ZFYVE28: variants seen among roughly 807,000 people sequenced by gnomAD.
ZFYVE28 encodes zinc finger FYVE-type containing 28.
ZFYVE28 carries 40 observed loss-of-function variants against 82.1 expected under a neutral mutation model. The ratio of observed to expected loss-of-function variants is 0.49; its 90% CI spans 0.38 to 0.63. ZFYVE28 has a LOEUF of 0.63. Ranked by LOEUF, ZFYVE28 falls within the 30% of genes least tolerant of loss-of-function variation. ZFYVE28 has a pLI of 0.00. For missense variants in ZFYVE28, 1,321 were observed against 1,242.1 expected (o/e 1.06, Z -0.96); for synonymous variants, 612 against 546.1 (o/e 1.12, Z -1.68).
chr4:2,288,497 C>A (rs530986541), intron 8 of ZFYVE28, among the ~76,000 whole-genome samples: 3 of 152,194 alleles, frequency 2.0e-5, no homozygotes, highest in Non-Finnish European at 4.4e-5. Context: ...TAAGAGGAGA[C>A]CCCCGAGGGG....
chr4:2,345,610 A>C (rs954703058), intron 2 of ZFYVE28, among the ~76,000 whole-genome samples: 2 of 151,922 alleles, frequency 1.3e-5, no homozygotes, highest in African/African-American at 2.4e-5. Flanking sequence ...ACGAGGAGGA[A>C]TGAGATAGAA....
intron 7 of ZFYVE28, among the ~76,000 whole-genome samples, chr4:2,317,230 C>T (rs1461764775): frequency 1.3e-5 from 2 of 152,124 alleles, no homozygotes; most frequent in East Asian, 1.9e-4. Context: ...TCAGGTGATC[C>T]GCCCACCTTG....
At chr4:2,406,062 A>AAGAAAAGAAAG (rs1553867783) in intron 1 of ZFYVE28, among the ~76,000 whole-genome samples, 8 of 125,076 alleles carry the variant, frequency 6.4e-5, no homozygotes, top group African/African-American at 2.6e-4. Context: ...AAAAAAAAAA[A>AAGAAAAGAAAG]AAAGAAAGAA....
chr4:2,291,206 G>C (rs1046981239), intron 8 of ZFYVE28, among the ~76,000 whole-genome samples: 1 of 152,212 alleles, frequency 6.6e-6, no homozygotes. Flanking sequence ...CCTGGTCTCC[G>C]GCTGCAGCAT....
intron 1 of ZFYVE28, among the ~76,000 whole-genome samples, chr4:2,383,435 G>A (rs562398002): frequency 4.5e-4 from 68 of 152,220 alleles, no homozygotes; most frequent in African/African-American, 1.6e-3. Flanking sequence ...GGTGCCCCCT[G>A]CCCCACAGCC....
At chr4:2,287,975 A>G (rs1175534122) in intron 8 of ZFYVE28, among the ~76,000 whole-genome samples, 1 of 152,176 alleles carries the variant, frequency 6.6e-6, no homozygotes, top group African/African-American at 2.4e-5. Context: ...CTTGGGATTC[A>G]GTTAGGAACA....
At chr4:2,412,062 G>T (rs890291958) in intron 1 of ZFYVE28, among the ~76,000 whole-genome samples, 1 of 152,214 alleles carries the variant, frequency 6.6e-6, no homozygotes, top group Non-Finnish European at 1.5e-5. Context: ...GCGCAGGCAG[G>T]GGCAGGGCGC....
intron 2 of ZFYVE28, among the ~76,000 whole-genome samples, chr4:2,343,877 C>T (rs1260146191): frequency 6.6e-6 from 1 of 152,322 alleles, no homozygotes; most frequent in African/African-American, 2.4e-5. Flanking sequence ...CTGTTATTCA[C>T]GATGAGTCTC....
intron 1 of ZFYVE28, among the ~76,000 whole-genome samples, chr4:2,407,302 T>C (rs1274496073): frequency 1.3e-5 from 2 of 152,180 alleles, no homozygotes; most frequent in Admixed American, 6.5e-5. Context: ...AGAACTCTAC[T>C]CTGACTTTGC....
chr4:2,392,901 T>C (rs1729986646), intron 1 of ZFYVE28, among the ~76,000 whole-genome samples: 1 of 152,196 alleles, frequency 6.6e-6, no homozygotes, highest in African/African-American at 2.4e-5. Flanking sequence ...GTAAGGAATT[T>C]ACAAAAATGC....
chr4:2,277,405 G>C (rs189226241), intron 8 of ZFYVE28, among the ~76,000 whole-genome samples: 2 of 152,156 alleles, frequency 1.3e-5, no homozygotes. Context: ...GCTTGAACCC[G>C]GGAGGCGGAG....
chr4:2,304,529 T>G lies in ZFYVE28; in HGVS notation c.1811A>C (p.Asp604Ala), dbSNP rs777825667. Reference protein sequence around the residue: ...SYAAGLAKASDRAPERQEEAP... With the variant: ...SYAAGLAKASARAPERQEEAP... ...CTCCTCCTGTCTCTCAGGGGCCCTG[T>G]CGCTGGCCTTGGCTAAGCCGGCAGC... Residue 604 changes from aspartate to alanine, a missense_variant, in exon 8 of 13, where the codon GAC (aspartate) becomes GCC (alanine). By Grantham distance (126) the Asp-to-Ala change is moderately radical (BLOSUM62 -2). Around this residue, in one of 2 missense-constraint regions of ZFYVE28, gnomAD observed 978 missense variants for 833.7 expected, o/e 1.17. Coordinates refer to ENST00000290974, the MANE Select transcript of ZFYVE28 (RefSeq NM_020972.3). 6.2e-7 allele frequency: 1 copy of G among 1,612,708 alleles called. No homozygotes were observed. The highest frequency in any genetic ancestry group is 1.7e-5 in the Admixed American group (1 of 60,002).
At chr4:2,324,683 A>C (rs762764430) in intron 6 of ZFYVE28, 3 of 173,584 alleles carry the variant, frequency 1.7e-5, no homozygotes, top group Non-Finnish European at 3.8e-5. Flanking sequence ...TAGCAGGAAG[A>C]AGCTCTGACC....
chr4:2,404,772 C>G (rs3135070), intron 1 of ZFYVE28, among the ~76,000 whole-genome samples: 125,292 of 151,794 alleles, frequency 0.83, 51,845 homozygotes, highest in East Asian at 0.88. Context: ...GGCTGCACCA[C>G]ATTGCGAATA....
chr4:2,365,710 G>A (rs947230976), intron 1 of ZFYVE28, among the ~76,000 whole-genome samples: 4 of 152,126 alleles, frequency 2.6e-5, no homozygotes, highest in African/African-American at 4.8e-5. Flanking sequence ...TGGGCTACAC[G>A]GGGAGGACGT....
chr4:2,315,419 G>A (rs2108833267), intron 7 of ZFYVE28, among the ~76,000 whole-genome samples: 1 of 152,092 alleles, frequency 6.6e-6, no homozygotes, highest in East Asian at 1.9e-4. Context: ...GATTACAGGC[G>A]CCCGCCACCA....
rs1578073522 is a variant in ZFYVE28, at chr4:2,320,344, C to T, written c.702-73G>A. On this transcript the variant is annotated intron_variant, in intron 6 of 12. Coordinates refer to ENST00000290974, the MANE Select transcript of ZFYVE28 (RefSeq NM_020972.3). This position sits in a 1 kb window ranked among gnomAD's most constrained non-coding sequence, Gnocchi z 5.1. ...GGGTGCCGCGGACGGCCCAACTTAA[C>T]CACCTGCGAAAACCACGCCCGCTGG... is the stretch of plus-strand genomic sequence containing the variant. 1 of 1,443,824 alleles carries T rather than the reference C, an allele frequency of 6.9e-7. No homozygotes were observed. The highest frequency in any genetic ancestry group is 9.5e-7 in the Non-Finnish European group (1 of 1,051,670). The allele number at this position is 1,443,824 out of a possible 1,614,324, so 89.4% of individuals were successfully genotyped here. A position where few individuals can be genotyped will look rare whatever the true frequency, so the allele number is the denominator to read the frequency against.
chr4:2,293,392 T>A (rs1714032906), intron 8 of ZFYVE28, among the ~76,000 whole-genome samples: 1 of 151,472 alleles, frequency 6.6e-6, no homozygotes, highest in African/African-American at 2.5e-5. Context: ...GTAGGAAAAC[T>A]GATGAAATCT....
intron 1 of ZFYVE28, among the ~76,000 whole-genome samples, chr4:2,389,370 A>C (rs1729591909): frequency 6.6e-6 from 1 of 151,990 alleles, no homozygotes; most frequent in African/African-American, 2.4e-5. Context: ...CCCATGCCCC[A>C]CCCTGCTGAC....
Sources: allele counts gnomAD v4.1 joint callset (sites outside exome capture counted in the v4.1 genomes callset), GRCh38; gene constraint gnomAD v4.1.1; regional missense constraint gnomAD v4.1.1; non-coding constraint Gnocchi (gnomAD v3.1); transcripts MANE v1.5; gene names NCBI Gene and HGNC (gene_info 2026-07-23, HGNC 2026-07-21).